The following PDE2A variants were observed in gnomAD, a reference collection of about 807,000 sequenced individuals.
The protein encoded by PDE2A is phosphodiesterase 2A, also known as cGMP-dependent 3',5'-cyclic phosphodiesterase.
In PDE2A, 53 loss-of-function variants were observed where a neutral mutation model predicts 133.6. That is an observed-to-expected ratio of 0.40 (90% CI 0.32 to 0.50). PDE2A has a LOEUF of 0.50. Among genes scored for constraint, PDE2A ranks in the 20% least tolerant of loss-of-function variants. The pLI is 0.73. For synonymous variants in PDE2A, 491 were observed against 490.2 expected, an observed-to-expected ratio of 1.00 and a Z score of -0.02; for missense variants, 796 against 1,232.4, an observed-to-expected ratio of 0.65 and a Z score of 5.30.
chr11:72,658,986 CCCAGCTGA>C (rs1854976165), intron 1 of PDE2A, among the ~76,000 whole-genome samples: 1 of 152,140 alleles, frequency 6.6e-6, no homozygotes, highest in South Asian at 2.1e-4. Context: ...AGCCGCTGTG[CCCAGCTGA>C]GCACAAAGTC....
chr11:72,591,828 G>T (rs530184280), intron 6 of PDE2A, among the ~76,000 whole-genome samples: 1 of 152,340 alleles, frequency 6.6e-6, no homozygotes, highest in South Asian at 2.1e-4. Context: ...GGATGGACGG[G>T]TGAATGAATA....
intron 6 of PDE2A, 115 bp downstream of exon 6, chr11:72,596,478 T>TCACA (rs1219272782): frequency 1.2e-3 from 293 of 235,400 alleles, no homozygotes; most frequent in South Asian, 4.0e-3. Flanking sequence ...TCTCTCTCTC[T>TCACA]CTCTCTCACA....
At chr11:72,605,746 G>T (rs1449413446) in intron 3 of PDE2A, among the ~76,000 whole-genome samples, 1 of 152,238 alleles carries the variant, frequency 6.6e-6, no homozygotes, top group Non-Finnish European at 1.5e-5. Context: ...CCATCCTCCG[G>T]TGGGGCTGGA....
rs551015153 is a variant in PDE2A at position 72,662,523 on chromosome 11, C to T, written c.71+11614G>A. Among the ~76,000 whole-genome samples, 86 of 152,204 alleles carry T rather than the reference C, an allele frequency of 5.7e-4. 2 individuals are homozygous for T. In the South Asian group the frequency reaches 0.017, roughly 30 times the overall value. On this transcript the variant is annotated intron_variant, in intron 1 of 30. Transcript: ENST00000334456. The stretch of plus-strand genomic sequence containing the variant: ...GATATGCAACGGTGACACAGTTTTG[C>T]TTTAGGGGCCATTGTCTGAGGGGGT...
Position 72,593,825 on chromosome 11 carries a change from A to G in PDE2A, c.490-2469T>C, listed in dbSNP as rs78758139. ...CCCTCGCTGATGGCGTCGCCACTGG[A>G]CCCCAGCATTCCTTTGCAGGACTCC... On this transcript the variant is annotated intron_variant, in intron 6 of 30. Transcript: ENST00000334456. Among the ~76,000 whole-genome samples, 783 of 152,282 alleles carry G rather than the reference A, an allele frequency of 5.1e-3. 3 individuals are homozygous for G. The highest frequency in any genetic ancestry group is 0.018 in the African/African-American group (747 of 41,530).
intron 22 of PDE2A, 24 bp downstream of exon 22, chr11:72,581,851 CTG>C (rs1591013839): frequency 1.2e-6 from 2 of 1,609,676 alleles, no homozygotes; most frequent in Non-Finnish European, 8.5e-7. Context: ...GAGGCGAAGA[CTG>C]GGGCTGTCTG....
chr11:72,655,627 G>C (rs1048604031), intron 1 of PDE2A, among the ~76,000 whole-genome samples: 10 of 152,144 alleles, frequency 6.6e-5, no homozygotes, highest in Non-Finnish European at 1.5e-4. Context: ...CCATTTCCTG[G>C]ATATGGAGCC....
chr11:72,614,949 C>A, intron 2 of PDE2A: 2 of 337,160 alleles, frequency 5.9e-6, no homozygotes, highest in Non-Finnish European at 7.1e-6. Flanking sequence ...CTGCCAGAGA[C>A]CTTTCCTCCT....
At chr11:72,589,361 C>G in intron 11 of PDE2A, 121 bp from the exon 12 acceptor site, 2 of 755,582 alleles carry the variant, frequency 2.6e-6, no homozygotes, top group Non-Finnish European at 4.6e-6. Flanking sequence ...AAATGGTGGA[C>G]AGGGTCAGCA....
intron 1 of PDE2A, among the ~76,000 whole-genome samples, chr11:72,645,305 A>T (rs569997751): frequency 3.9e-5 from 6 of 152,204 alleles, no homozygotes; most frequent in Non-Finnish European, 8.8e-5. Context: ...AGACTCAATA[A>T]ACAAGTGCAC....
rs978634940 is a variant in PDE2A, at chr11:72,580,713, C to T, written c.2134-89G>A. 53 of 1,142,432 alleles carry T rather than the reference C, an allele frequency of 4.6e-5. No homozygotes were observed. The Admixed American group carries it at 1.0e-3, about 22-fold the overall frequency. 70.8% of individuals were successfully genotyped at this position (1,142,432 alleles called of 1,614,324 possible). A position where few individuals can be genotyped will look rare whatever the true frequency, so the allele number is the denominator to read the frequency against. On this transcript the variant is annotated intron_variant, in intron 24 of 30. Coordinates refer to ENST00000334456, the MANE Select transcript of PDE2A (RefSeq NM_002599.5). ...GCTGAGCAGTGTCCTGCCCTTCCAC[C>T]TTTCTCCCCTCCTCCCTATCTCAGA...
intron 2 of PDE2A, among the ~76,000 whole-genome samples, chr11:72,631,664 T>C (rs1220726458): frequency 6.7e-6 from 1 of 149,928 alleles, no homozygotes; most frequent in East Asian, 2.0e-4. Flanking sequence ...CGCCCAGTCA[T>C]CTGGACTGGG....
At position 72,637,902 on chromosome 11, in the gene PDE2A, G is replaced by T. The variant is rs554605682; in HGVS notation, c.144+4352C>A. Among the ~76,000 whole-genome samples, 6 of 152,316 alleles carry T rather than the reference G, an allele frequency of 3.9e-5. No homozygotes were observed. The South Asian group carries it at 1.2e-3, about 32-fold the overall frequency. Reference sequence around the variant, plus strand: ...CCCTTAGGATGTCAAGATCAGGGAGGTCGGGGGATGGGCAGAAGGAGTAAA... The same window carrying T: ...CCCTTAGGATGTCAAGATCAGGGAGTTCGGGGGATGGGCAGAAGGAGTAAA... On this transcript the variant is annotated intron_variant, in intron 2 of 30. Transcript: ENST00000334456.
At chr11:72,591,684 G>A (rs1185732849) in intron 6 of PDE2A, among the ~76,000 whole-genome samples, 2 of 152,196 alleles carry the variant, frequency 1.3e-5, no homozygotes, top group African/African-American at 2.4e-5. Context: ...ATTATGGAGC[G>A]CTGCAGGTCC....
intron 1 of PDE2A, among the ~76,000 whole-genome samples, chr11:72,650,699 G>A (rs971431774): frequency 3.9e-5 from 6 of 152,132 alleles, no homozygotes; most frequent in African/African-American, 9.7e-5. Context: ...GGTAGGGGAC[G>A]AAGGAGGCAG....
intron 1 of PDE2A, among the ~76,000 whole-genome samples, chr11:72,658,574 C>G (rs1353530906): frequency 1.3e-5 from 2 of 152,012 alleles, no homozygotes; most frequent in African/African-American, 4.8e-5. Flanking sequence ...CTCAAGTGAT[C>G]CTCCCGCCTC....
At chr11:72,588,180 A>G (rs188796851) in intron 13 of PDE2A, among the ~76,000 whole-genome samples, 1 of 152,278 alleles carries the variant, frequency 6.6e-6, no homozygotes, top group African/African-American at 2.4e-5. Flanking sequence ...TTGCAATAAA[A>G]TTCAGGCACC....
At chr11:72,604,772 G>A (rs1856901110) in intron 4 of PDE2A, among the ~76,000 whole-genome samples, 1 of 152,138 alleles carries the variant, frequency 6.6e-6, no homozygotes, top group African/African-American at 2.4e-5. Flanking sequence ...CAGCATGCTG[G>A]GATTCCAGGT....
At chr11:72,579,923 T>C in intron 25 of PDE2A, 1 of 356,582 alleles carries the variant, frequency 2.8e-6, no homozygotes, top group Non-Finnish European at 5.1e-6. Flanking sequence ...AGACACCAAA[T>C]CATGCAGAAC....
Sources: allele counts gnomAD v4.1 joint callset (sites outside exome capture counted in the v4.1 genomes callset), GRCh38; gene constraint gnomAD v4.1.1; transcripts MANE v1.5; gene names NCBI Gene and HGNC (gene_info 2026-07-23, HGNC 2026-07-21).